Variants in STK17A observed in about 807,000 individuals in gnomAD.
The protein encoded by STK17A is serine/threonine-protein kinase 17A.
In STK17A, 26 loss-of-function variants were observed where a neutral mutation model predicts 43.7. That is an observed-to-expected ratio of 0.60 (90% CI 0.44 to 0.83). The LOEUF is 0.83. Among genes scored for constraint, STK17A ranks in the 40% least tolerant of loss-of-function variants. The pLI is 0.00. For synonymous variants in STK17A, 191 were observed against 182.5 expected, an observed-to-expected ratio of 1.05 and a Z score of -0.38; for missense variants, 476 against 511.6, an observed-to-expected ratio of 0.93 and a Z score of 0.67.
intron 1 of STK17A, among the ~76,000 whole-genome samples, chr7:43,587,051 A>G (rs1330123922): frequency 6.6e-6 from 1 of 151,152 alleles, no homozygotes; most frequent in Non-Finnish European, 1.5e-5. Context: ...AATCATTCCC[A>G]TTACACCACA....
chr7:43,614,269 A>T (rs2152989618), intron 3 of STK17A, among the ~76,000 whole-genome samples: 1 of 152,288 alleles, frequency 6.6e-6, no homozygotes, highest in South Asian at 2.1e-4. Flanking sequence ...CTATTTACGG[A>T]CCGTCTGCAG....
intron 2 of STK17A, among the ~76,000 whole-genome samples, chr7:43,600,484 A>G (rs1224015275): frequency 3.3e-5 from 5 of 152,214 alleles, no homozygotes; most frequent in African/African-American, 1.2e-4. Context: ...TTTAAAAAAA[A>G]TGAACAAGTG....
intron 3 of STK17A, among the ~76,000 whole-genome samples, chr7:43,609,840 C>T (rs932115180): frequency 2.6e-5 from 4 of 152,218 alleles, no homozygotes; most frequent in African/African-American, 7.2e-5. Flanking sequence ...TCTCACACCA[C>T]GATCATCTAC....
chr7:43,618,366 G>A (rs367790851), intron 3 of STK17A, among the ~76,000 whole-genome samples: 2 of 152,178 alleles, frequency 1.3e-5, no homozygotes, highest in African/African-American at 2.4e-5. Context: ...AAGGCAGTAC[G>A]TGTGTAAAGG....
At position 43,583,355 on chromosome 7, in the gene STK17A, C is replaced by G; in HGVS notation, c.112C>G (p.Gln38Glu). The G allele has an allele frequency of 6.9e-7, 1 of 1,442,318 alleles. No homozygotes were observed. The highest frequency in any genetic ancestry group is 9.1e-7 in the Non-Finnish European group (1 of 1,095,172). The allele number at this position is 1,442,318 out of a possible 1,614,324, so 89.3% of individuals were successfully genotyped here. Residue 38 changes from glutamine (Q) to glutamate (E), a missense_variant, in exon 1 of 7, where the codon CAG becomes GAG. Transcript: ENST00000319357. ...SGPCRPPPPP[Q>E]ARGLLTEIRA... ...GCCGTGCCGGCCGCCGCCGCCGCCC[C>G]AGGCCCGCGGGCTGCTGACAGAGAT...
intron 2 of STK17A, among the ~76,000 whole-genome samples, chr7:43,602,491 T>A (rs1273934357): frequency 1.3e-5 from 2 of 152,224 alleles, no homozygotes; most frequent in Admixed American, 1.3e-4. Context: ...AGGTCACCAG[T>A]CCTGTGTGCC....
intron 2 of STK17A, among the ~76,000 whole-genome samples, chr7:43,597,760 C>G (rs2082527997): frequency 6.6e-6 from 1 of 152,018 alleles, no homozygotes; most frequent in Non-Finnish European, 1.5e-5. Context: ...TAGCGAAACC[C>G]TGTCTCTACA....
chr7:43,616,311 C>G (rs140943785), intron 3 of STK17A, among the ~76,000 whole-genome samples: 76 of 152,244 alleles, frequency 5.0e-4, no homozygotes, highest in African/African-American at 1.8e-3. Context: ...TAAACTCTGA[C>G]AGTAGGGCGT....
At chr7:43,621,582 CT>C (rs2083892928) in intron 4 of STK17A, among the ~76,000 whole-genome samples, 1 of 152,166 alleles carries the variant, frequency 6.6e-6, no homozygotes, top group Non-Finnish European at 1.5e-5. Context: ...CTCCTCCTGC[CT>C]CAGCCTCCCG....
Position 43,624,640 on chromosome 7 carries a change from C to G in STK17A, c.1043C>G (p.Ser348Cys), listed in dbSNP as rs2084291461. ...GCAAATGCCCTCCAAGAAGGTCATTCTGTGCCTGAAATTAATTCGGATACC... is the reference window on the plus strand; with the variant it reads ...GCAAATGCCCTCCAAGAAGGTCATTGTGTGCCTGAAATTAATTCGGATACC... ...EEANALQEGH[S>C]VPEINSDTDK... The change falls in exon 7 of 7, where the codon TCT becomes TGT. Residue 348 changes from serine to cysteine, a missense_variant. This residue lies in a region of STK17A where 110 missense variants were observed against 103.7 expected (regional missense o/e 1.06). Coordinates refer to ENST00000319357, the MANE Select transcript of STK17A (RefSeq NM_004760.3). 6.2e-7 allele frequency: 1 copy of G among 1,613,986 alleles called. No individual in the cohort carries two copies. The highest frequency in any genetic ancestry group is 1.3e-5 in the African/African-American group (1 of 74,926).
intron 1 of STK17A, among the ~76,000 whole-genome samples, chr7:43,589,293 G>A (rs1228776187): frequency 6.6e-6 from 1 of 151,356 alleles, no homozygotes; most frequent in Non-Finnish European, 1.5e-5. Context: ...CAGTCCAGCT[G>A]GGAGACATAG....
At position 43,624,607 on chromosome 7, in the gene STK17A, TAGA is replaced by T; in HGVS notation, c.1016_1018del (p.Glu339del). Reference sequence around the variant, plus strand: ...CCTTCTTTCAGGATGGAAAAGGCACTAGAAGAAGCAAATGCCCTCCAAGAAGGT... The same window carrying T: ...CCTTCTTTCAGGATGGAAAAGGCACTAGAAGCAAATGCCCTCCAAGAAGGT... On this transcript the variant is annotated inframe_deletion, in exon 7 of 7. Transcript: ENST00000319357. 1.9e-6 allele frequency: 3 copies of T among 1,614,104 alleles called. No individual in the cohort carries two copies. Among genetic ancestry groups the T allele is most frequent in the South Asian group, 1.1e-5 (1 of 91,084 alleles).
chr7:43,613,948 A>G (rs1263604339), intron 3 of STK17A, among the ~76,000 whole-genome samples: 1 of 152,198 alleles, frequency 6.6e-6, no homozygotes, highest in Non-Finnish European at 1.5e-5. Context: ...TCAGTATATT[A>G]CTTGAAAGCA....
At chr7:43,623,371 G>A in intron 4 of STK17A, 1 of 550,550 alleles carries the variant, frequency 1.8e-6, no homozygotes, top group African/African-American at 1.9e-5. Context: ...ATGGTGGGTA[G>A]AAGTGTGAAA....
At chr7:43,585,601 C>A (rs1380870770) in intron 1 of STK17A, among the ~76,000 whole-genome samples, 1 of 151,500 alleles carries the variant, frequency 6.6e-6, no homozygotes, top group Non-Finnish European at 1.5e-5. Context: ...CCTTGTGGCA[C>A]CCTTTTTTAT....
At chr7:43,597,331 C>A (rs1431965538) in intron 2 of STK17A, among the ~76,000 whole-genome samples, 1 of 151,706 alleles carries the variant, frequency 6.6e-6, no homozygotes, top group Non-Finnish European at 1.5e-5. Flanking sequence ...CTAAAAAATT[C>A]TGTAAAAGAC....
chr7:43,584,022 G>C (rs1386961304), intron 1 of STK17A, among the ~76,000 whole-genome samples: 2 of 152,090 alleles, frequency 1.3e-5, no homozygotes, highest in African/African-American at 2.4e-5. Context: ...TTTGCTTCGA[G>C]TTTAGATTGG....
At chr7:43,614,197 A>G (rs527273209) in intron 3 of STK17A, among the ~76,000 whole-genome samples, 1 of 152,290 alleles carries the variant, frequency 6.6e-6, no homozygotes, top group Non-Finnish European at 1.5e-5. Flanking sequence ...GTAAACGTTA[A>G]ATGGATTATG....
intron 4 of STK17A, among the ~76,000 whole-genome samples, chr7:43,620,688 GAATATT>G (rs1205131019): frequency 3.3e-4 from 46 of 139,066 alleles, no homozygotes; most frequent in Admixed American, 4.4e-4. Context: ...AAAAAAAAAA[GAATATT>G]AATATTTAAA....
Sources: gnomAD v4.1 joint callset for allele counts (sites outside exome capture counted in the v4.1 genomes callset) on GRCh38, gnomAD v4.1.1 for gene constraint, gnomAD v4.1.1 regional missense constraint, MANE v1.5 for transcripts, NCBI Gene and HGNC (gene_info 2026-07-23, HGNC 2026-07-21) for gene names.